The following HMGB1 variants were observed in gnomAD, a reference collection of about 807,000 sequenced individuals.
HMGB1 encodes the protein high mobility group protein B1.
For missense variants in HMGB1, 79 were observed against 253.5 expected (o/e 0.31, Z 4.67); for synonymous variants, 81 against 84.0 (o/e 0.96, Z 0.19).
Position 30,563,744 on chromosome 13 carries a change from G to C in HMGB1, c.-15+52927C>G, listed in dbSNP as rs540427274. Among the ~76,000 whole-genome samples the C allele has an allele frequency of 4.6e-5, 7 of 152,274 alleles. 1 individual carries two copies. The highest frequency in any genetic ancestry group is 1.7e-4 in the African/African-American group (7 of 41,568). On this transcript the variant is annotated intron_variant, in intron 1 of 4. Coordinates refer to the HMGB1 transcript ENST00000405805. Reference sequence around the variant, plus strand: ...TAGATTCTAGTTAGAAGTAACCTAGGACCTTCATGTTAGAGGTGTCTTTGG... The same window carrying C: ...TAGATTCTAGTTAGAAGTAACCTAGCACCTTCATGTTAGAGGTGTCTTTGG...
intron 1 of HMGB1, among the ~76,000 whole-genome samples, chr13:30,609,951 A>G (rs1463786031): frequency 6.6e-6 from 1 of 152,224 alleles, no homozygotes; most frequent in Non-Finnish European, 1.5e-5. Context: ...ATAGTATTCC[A>G]CGATGTACAT....
chr13:30,574,963 G>A (rs1274166301), intron 1 of HMGB1, among the ~76,000 whole-genome samples: 1 of 151,996 alleles, frequency 6.6e-6, no homozygotes, highest in East Asian at 1.9e-4. Context: ...TCTATTAATG[G>A]CCTCGTACTA....
At chr13:30,615,052 A>G (rs758449152) in intron 1 of HMGB1, among the ~76,000 whole-genome samples, 8 of 152,032 alleles carry the variant, frequency 5.3e-5, no homozygotes, top group Admixed American at 3.9e-4. Context: ...TAATGTATAA[A>G]TTAACCTTAA....
chr13:30,576,470 C>T (rs1298537210), intron 1 of HMGB1, among the ~76,000 whole-genome samples: 2 of 152,094 alleles, frequency 1.3e-5, no homozygotes, highest in Non-Finnish European at 2.9e-5. Flanking sequence ...ATGTGTCAAA[C>T]ACTCCCTGTT....
chr13:30,576,770 CT>C (rs1870674582), intron 1 of HMGB1, among the ~76,000 whole-genome samples: 1 of 152,038 alleles, frequency 6.6e-6, no homozygotes, highest in Admixed American at 6.6e-5. Flanking sequence ...ACCCCACAGG[CT>C]TGCCCCTCCT....
chr13:30,560,451 ACC>A (rs934930807), intron 1 of HMGB1, among the ~76,000 whole-genome samples: 1 of 152,144 alleles, frequency 6.6e-6, no homozygotes, highest in Non-Finnish European at 1.5e-5. Flanking sequence ...AAGTAGGGAT[ACC>A]CCATTATAAG....
chr13:30,489,773 C>T lies in HMGB1; in HGVS notation c.-14-26079G>A, dbSNP rs573275169. On this transcript the variant is annotated intron_variant, in intron 1 of 4. Transcript: ENST00000405805. Reference sequence around the variant, plus strand: ...TTCCTGAGACGGAGTCTCGCTCTGTCGCCCAGGCTGGAGTGCAGTAGCAAG... The same window carrying T: ...TTCCTGAGACGGAGTCTCGCTCTGTTGCCCAGGCTGGAGTGCAGTAGCAAG... Among the ~76,000 whole-genome samples, 11 of 144,698 alleles carry T rather than the reference C, an allele frequency of 7.6e-5. 1 individual carries two copies. The East Asian group carries it at 8.4e-4, about 11-fold the overall frequency. The allele number at this position is 144,698 out of a possible 152,430, so 94.9% of individuals were successfully genotyped here.
chr13:30,510,794 T>TATAG (rs1375836556), intron 1 of HMGB1, among the ~76,000 whole-genome samples: 1 of 152,218 alleles, frequency 6.6e-6, no homozygotes, highest in Non-Finnish European at 1.5e-5. Flanking sequence ...ATCTTGGGCA[T>TATAG]ATAGTAAGTG....
rs191311807 is a variant in HMGB1 at position 30,548,044 on chromosome 13, A to C, written c.-15+68627T>G. 2.0e-5 allele frequency among the ~76,000 whole-genome samples: 3 copies of C among 152,316 alleles called. No homozygotes were observed. In the East Asian group the frequency reaches 5.8e-4, roughly 29 times the overall value. ...ATGGTGTTTTTCTAAGAAAATTTGC[A>C]ATAGGAATACCACTGTTTCAGGTTT... On this transcript the variant is annotated intron_variant, in intron 1 of 4. Coordinates refer to the HMGB1 transcript ENST00000405805.
chr13:30,462,738 TTTAAG>T (rs769500373), intron 3 of HMGB1, 26 bp from the exon 4 acceptor site: 18 of 1,592,620 alleles, frequency 1.1e-5, no homozygotes, highest in South Asian at 1.0e-4. Context: ...ATTTTAGGAT[TTTAAG>T]TTAACAGATC....
chr13:30,496,483 A>G (rs1887612051), intron 1 of HMGB1, among the ~76,000 whole-genome samples: 1 of 152,196 alleles, frequency 6.6e-6, no homozygotes, highest in Non-Finnish European at 1.5e-5. Flanking sequence ...ACACACACCC[A>G]GGAAATGCAC....
At chr13:30,524,196 G>C (rs752462213) in intron 1 of HMGB1, among the ~76,000 whole-genome samples, 1 of 151,948 alleles carries the variant, frequency 6.6e-6, no homozygotes, top group Non-Finnish European at 1.5e-5. Context: ...CAAGGGGTGG[G>C]GAGCAAGGGG....
At chr13:30,474,669 C>T (rs919203981) in intron 1 of HMGB1, among the ~76,000 whole-genome samples, 21 of 151,398 alleles carry the variant, frequency 1.4e-4, no homozygotes, top group Admixed American at 5.9e-4. Context: ...TTTGGGAGGC[C>T]GAGGCAGAAG....
rs566933234 is a variant in HMGB1 at position 30,460,042 on chromosome 13, C to T, written c.*1315G>A. The T allele has an allele frequency of 2.6e-5, 4 of 152,568 alleles. No individual in the cohort carries two copies. Among genetic ancestry groups the T allele is most frequent in the Non-Finnish European group, 5.9e-5 (4 of 67,942 alleles). 9.5% of individuals were successfully genotyped at this position (152,568 alleles called of 1,614,324 possible). A position where few individuals can be genotyped will look rare whatever the true frequency, so the allele number is the denominator to read the frequency against. On this transcript the variant is annotated 3_prime_UTR_variant, in exon 5 of 5. Coordinates refer to ENST00000341423, the MANE Select transcript of HMGB1 (RefSeq NM_002128.7). ...TTAAAATACTGGCACTTTAAGAAAA[C>T]GATAATCTCGAAAACCACAAAATTG...
At chr13:30,592,981 G>A (rs537259561) in intron 1 of HMGB1, among the ~76,000 whole-genome samples, 5 of 152,110 alleles carry the variant, frequency 3.3e-5, no homozygotes, top group South Asian at 2.1e-4. Flanking sequence ...CTCTGAAAGG[G>A]ATTGCCTTTA....
chr13:30,519,013 T>C (rs1888164937), intron 1 of HMGB1, among the ~76,000 whole-genome samples: 1 of 152,100 alleles, frequency 6.6e-6, no homozygotes, highest in Non-Finnish European at 1.5e-5. Flanking sequence ...TGTGAGCCAC[T>C]GTGCCCAGCC....
At chr13:30,552,326 C>T (rs114470450) in intron 1 of HMGB1, among the ~76,000 whole-genome samples, 166 of 152,214 alleles carry the variant, frequency 1.1e-3, no homozygotes, top group African/African-American at 3.7e-3. Flanking sequence ...CAAGTATCTC[C>T]TAAAAATAGG....
chr13:30,614,669 G>A (rs1950543531), intron 1 of HMGB1, among the ~76,000 whole-genome samples: 1 of 152,100 alleles, frequency 6.6e-6, no homozygotes, highest in African/African-American at 2.4e-5. Context: ...AACCAAGTAA[G>A]TTTGGGCTAC....
At chr13:30,513,648 T>C (rs1888039773) in intron 1 of HMGB1, among the ~76,000 whole-genome samples, 1 of 152,232 alleles carries the variant, frequency 6.6e-6, no homozygotes, top group South Asian at 2.1e-4. Context: ...TCTACTTGGA[T>C]GTAATACAGA....
Sources: gnomAD v4.1 joint callset for allele counts (sites outside exome capture counted in the v4.1 genomes callset) on GRCh38, gnomAD v4.1.1 for gene constraint, MANE v1.5 for transcripts, NCBI Gene and HGNC (gene_info 2026-07-23, HGNC 2026-07-21) for gene names.